Variants in GPR157 observed in about 807,000 individuals in gnomAD.
GPR157 encodes G-protein coupled receptor 157.
GPR157 carries 16 observed loss-of-function variants against 23.5 expected under a neutral mutation model. The ratio of observed to expected loss-of-function variants is 0.68; its 90% CI spans 0.46 to 1.04. The LOEUF (loss-of-function observed/expected upper bound fraction) is 1.04. GPR157 is among the 50% of genes least tolerant of loss of function. The probability of loss-of-function intolerance (pLI) is 0.00; values close to 1 mark genes in which losing one functional copy is unlikely to be tolerated. For synonymous variants in GPR157, 200 were observed against 221.5 expected (o/e 0.90, Z 0.86); for missense variants, 440 against 460.7 (o/e 0.96, Z 0.41).
Position 9,123,318 on chromosome 1 carries a change from AAAATATATATATTTAATTT to A in GPR157, c.383+5308_383+5326del, listed in dbSNP as rs1487784617. On this transcript the variant is annotated intron_variant, in intron 1 of 3. Transcript: ENST00000377411. ...TATATATTTAATTTAAATATATATTAAAATATATATATTTAATTTAAATATATATATTTAATTTAAATAT... is the reference window on the plus strand; with the variant it reads ...TATATATTTAATTTAAATATATATTAAAATATATATATTTAATTTAAATAT... Among the ~76,000 whole-genome samples, 80 of 23,824 alleles carry A rather than the reference AAAATATATATATTTAATTT, an allele frequency of 3.4e-3. 1 individual carries two copies. Among genetic ancestry groups the A allele is most frequent in the Admixed American group, 8.8e-3 (16 of 1,816 alleles). 15.6% of individuals were successfully genotyped at this position (23,824 alleles called of 152,430 possible).
rs982756613 is a variant in GPR157, at chr1:9,101,892, C to T, written c.*2527G>A. On this transcript the variant is annotated 3_prime_UTR_variant, in exon 4 of 4. Coordinates refer to ENST00000377411, the MANE Select transcript of GPR157 (RefSeq NM_024980.5). ...TGTCTTTTCTCTTTTACCTGTTAATCATGTTCTCTTTTGCAGCAAGCAAAT... is the reference window on the plus strand; with the variant it reads ...TGTCTTTTCTCTTTTACCTGTTAATTATGTTCTCTTTTGCAGCAAGCAAAT... 6.6e-6 allele frequency: 1 copy of T among 152,208 alleles called. No homozygotes were observed. Among genetic ancestry groups the T allele is most frequent in the Non-Finnish European group, 1.5e-5 (1 of 68,042 alleles). The allele number at this position is 152,208 out of a possible 1,614,324, so 9.4% of individuals were successfully genotyped here.
At chr1:9,123,243 AATT>A (rs1638845889) in intron 1 of GPR157, among the ~76,000 whole-genome samples, 1 of 21,072 alleles carries the variant, frequency 4.7e-5, no homozygotes, top group Non-Finnish European at 1.0e-4. Flanking sequence ...AATATATATT[AATT>A]TAAATATATA....
rs1313033819 is a variant in GPR157 at position 9,128,577 on chromosome 1, G to A, written c.383+68C>T. The A allele has an allele frequency of 2.0e-6, 3 of 1,483,258 alleles. No homozygotes were observed. The highest frequency in any genetic ancestry group is 2.8e-6 in the Non-Finnish European group (3 of 1,072,026). 91.9% of individuals were successfully genotyped at this position (1,483,258 alleles called of 1,614,324 possible). On this transcript the variant is annotated intron_variant, in intron 1 of 3. Transcript: ENST00000377411. This position sits in a 1 kb window ranked among gnomAD's most constrained non-coding sequence, Gnocchi z 6.3. ...TGTCCAACCTAGACGCGGCCTCTGG[G>A]AGGGCAAGACCGGGAGGGGTCGGCC...
Position 9,105,458 on chromosome 1 carries a change from C to A in GPR157, c.792+28G>T. 6.6e-7 allele frequency: 1 copy of A among 1,515,384 alleles called. No homozygotes were observed. The highest frequency in any genetic ancestry group is 8.9e-7 in the Non-Finnish European group (1 of 1,124,516). The allele number at this position is 1,515,384 out of a possible 1,614,324, so 93.9% of individuals were successfully genotyped here. A position where few individuals can be genotyped will look rare whatever the true frequency, so the allele number is the denominator to read the frequency against. On this transcript the variant is annotated intron_variant, in intron 3 of 3. Coordinates refer to ENST00000377411, the MANE Select transcript of GPR157 (RefSeq NM_024980.5). The surrounding 1 kb of genome is among the most constrained non-coding windows in gnomAD (Gnocchi z 4.8). ...GCTGTGCCTCCTCTGGGGGCAGGGA[C>A]GACAAGGGCCAGGGAGGGCAGACCT... is the stretch of plus-strand genomic sequence containing the variant.
At chr1:9,109,035 C>T (rs557608401) in intron 2 of GPR157, among the ~76,000 whole-genome samples, 1 of 151,814 alleles carries the variant, frequency 6.6e-6, no homozygotes, top group Non-Finnish European at 1.5e-5. Context: ...CTCGGCCTCC[C>T]AAAGTTCTGG....
At chr1:9,112,782 C>T (rs1218750394) in intron 1 of GPR157, among the ~76,000 whole-genome samples, 1 of 152,174 alleles carries the variant, frequency 6.6e-6, no homozygotes, top group East Asian at 1.9e-4. Context: ...CGCTCTCCCA[C>T]AGCCAGCCAC....
At position 9,120,506 on chromosome 1, in the gene GPR157, G is replaced by T. The variant is rs1002590535; in HGVS notation, c.383+8139C>A. 6.6e-6 allele frequency among the ~76,000 whole-genome samples: 1 copy of T among 152,200 alleles called. No homozygotes were observed. Among genetic ancestry groups the T allele is most frequent in the African/African-American group, 2.4e-5 (1 of 41,446 alleles). On this transcript the variant is annotated intron_variant, in intron 1 of 3. Coordinates refer to ENST00000377411, the MANE Select transcript of GPR157 (RefSeq NM_024980.5). This position sits in a 1 kb window ranked among gnomAD's most constrained non-coding sequence, Gnocchi z 4.1. The stretch of plus-strand genomic sequence containing the variant: ...GGGAAGCCCAGCTGTAGGGAGTGAG[G>T]CCTGGTGAGAGGCTGCCTGGAGGTT...
intron 1 of GPR157, among the ~76,000 whole-genome samples, chr1:9,121,031 G>A (rs959160659): frequency 2.0e-5 from 3 of 152,110 alleles, no homozygotes; most frequent in East Asian, 1.9e-4. Flanking sequence ...CGGTGAGCTC[G>A]TTTCAAATTA....
chr1:9,127,650 A>G (rs1014407313), intron 1 of GPR157, among the ~76,000 whole-genome samples: 3 of 152,360 alleles, frequency 2.0e-5, no homozygotes, highest in Admixed American at 2.0e-4. Flanking sequence ...CTGAAGGTCA[A>G]GCGACTCTTA....
chr1:9,121,318 C>G (rs1028015288), intron 1 of GPR157, among the ~76,000 whole-genome samples: 3 of 150,958 alleles, frequency 2.0e-5, no homozygotes, highest in Admixed American at 6.6e-5. Context: ...GGTGACAGAG[C>G]CAGACTCTGT....
chr1:9,114,000 C>CACA (rs70985587), intron 1 of GPR157, among the ~76,000 whole-genome samples: 2 of 140,834 alleles, frequency 1.4e-5, no homozygotes, highest in East Asian at 2.2e-4. Flanking sequence ...CACACACACA[C>CACA]CACCCATAAA....
Position 9,105,482 on chromosome 1 carries a change from C to T in GPR157, c.792+4G>A, listed in dbSNP as rs562942670. 3.9e-6 allele frequency: 6 copies of T among 1,555,410 alleles called. No individual in the cohort carries two copies. The African/African-American group carries it at 8.1e-5, about 21-fold the overall frequency. On this transcript the variant is annotated splice_donor_region_variant and intron_variant, in intron 3 of 3. Transcript: ENST00000377411. The surrounding 1 kb of genome is among the most constrained non-coding windows in gnomAD (Gnocchi z 4.8). ...ACGACAAGGGCCAGGGAGGGCAGAC[C>T]TACATGCAGAACCACCAGCACCGGC...
chr1:9,107,041 T>C (rs1004243056), intron 2 of GPR157, among the ~76,000 whole-genome samples: 2 of 152,142 alleles, frequency 1.3e-5, no homozygotes, highest in African/African-American at 4.8e-5. Flanking sequence ...ACGTTCCGCT[T>C]TTTATTTTAG....
rs544240237 is a variant in GPR157, at chr1:9,105,392, C to T, written c.792+94G>A. The T allele has an allele frequency of 7.1e-5, 85 of 1,204,342 alleles. No homozygotes were observed. The highest frequency in any genetic ancestry group is 9.2e-5 in the Non-Finnish European group (80 of 869,602). 74.6% of individuals were successfully genotyped at this position (1,204,342 alleles called of 1,614,324 possible). On this transcript the variant is annotated intron_variant, in intron 3 of 3. Coordinates refer to ENST00000377411, the MANE Select transcript of GPR157 (RefSeq NM_024980.5). This position sits in a 1 kb window ranked among gnomAD's most constrained non-coding sequence, Gnocchi z 4.8. ...CTCCTCCCTGCAGCTGTGCCTTGGC[C>T]GACACTGGGGTGCAGCCACTGTGCT...
In GPR157 at chr1:9,128,154, A is replaced by G; in HGVS notation, c.383+491T>C. 2.4e-6 allele frequency: 1 copy of G among 416,514 alleles called. No homozygotes were observed. The highest frequency in any genetic ancestry group is 1.8e-5 in the South Asian group (1 of 55,768). The allele number at this position is 416,514 out of a possible 1,614,324, so 25.8% of individuals were successfully genotyped here. ...AAAAGCACAGTCCTTTGTAAACTGT[A>G]CAGCAGAGACACGGCAGCTCGGGAG... On this transcript the variant is annotated intron_variant, in intron 1 of 3. Coordinates refer to ENST00000377411, the MANE Select transcript of GPR157 (RefSeq NM_024980.5). This position sits in a 1 kb window ranked among gnomAD's most constrained non-coding sequence, Gnocchi z 6.3.
At chr1:9,122,673 A>T (rs1638825733) in intron 1 of GPR157, among the ~76,000 whole-genome samples, 1 of 152,160 alleles carries the variant, frequency 6.6e-6, no homozygotes, top group African/African-American at 2.4e-5. Flanking sequence ...AGCACCAGAC[A>T]AACCCAAATT....
chr1:9,123,642 AATATTAAATAT>A (rs1294470799), intron 1 of GPR157, among the ~76,000 whole-genome samples: 4 of 115,158 alleles, frequency 3.5e-5, no homozygotes, highest in South Asian at 2.3e-4. Flanking sequence ...AATATACATT[AATATTAAATAT>A]ATATTAAATA....
Position 9,105,067 on chromosome 1 carries a change from A to ATG in GPR157, c.792+418_792+419insCA. ...CACACACACACACACACACACACACACATGCATACACACATGCATACATGC... is the reference window on the plus strand; with the variant it reads ...CACACACACACACACACACACACACATGCATGCATACACACATGCATACATGC... On this transcript the variant is annotated intron_variant, in intron 3 of 3. Transcript: ENST00000377411. The surrounding 1 kb of genome is among the most constrained non-coding windows in gnomAD (Gnocchi z 4.8). Among the ~76,000 whole-genome samples the ATG allele has an allele frequency of 7.0e-6, 1 of 142,472 alleles. No individual in the cohort carries two copies. The highest frequency in any genetic ancestry group is 2.6e-5 in the African/African-American group (1 of 38,086). 93.5% of individuals were successfully genotyped at this position (142,472 alleles called of 152,430 possible).
intron 2 of GPR157, among the ~76,000 whole-genome samples, chr1:9,108,646 A>G (rs775232186): frequency 2.6e-5 from 4 of 152,148 alleles, no homozygotes; most frequent in Non-Finnish European, 5.9e-5. Context: ...ACAAAAGATC[A>G]TTTCATTTTT....
Sources: allele counts gnomAD v4.1 joint callset (sites outside exome capture counted in the v4.1 genomes callset), GRCh38; gene constraint gnomAD v4.1.1; non-coding constraint Gnocchi (gnomAD v3.1); transcripts MANE v1.5; gene names NCBI Gene and HGNC (gene_info 2026-07-23, HGNC 2026-07-21).